Variants in OR2H1 observed in about 807,000 individuals in gnomAD.
The protein encoded by OR2H1 is olfactory receptor 2H1.
For synonymous variants in OR2H1, 155 were observed against 155.2 expected (o/e 1.00, Z 0.01); for missense variants, 380 against 367.3 (o/e 1.03, Z -0.28).
intron 2 of OR2H1, among the ~76,000 whole-genome samples, chr6:29,459,302 G>A (rs977631630): frequency 2.0e-5 from 3 of 152,182 alleles, no homozygotes; most frequent in Admixed American, 6.5e-5. Context: ...TGATCAGGGA[G>A]GAGAACACAG....
Position 29,462,263 on chromosome 6 carries a change from C to G in OR2H1, c.494C>G (p.Pro165Arg). 1 of 1,613,352 alleles carries G rather than the reference C, an allele frequency of 6.2e-7. No individual in the cohort carries two copies. Among genetic ancestry groups the G allele is most frequent in the African/African-American group, 1.3e-5 (1 of 75,034 alleles). The change falls in exon 4 of 4, where the codon CCC (proline) becomes CGC (arginine). Residue 165 changes from proline to arginine, a missense_variant. Physicochemically the swap from Pro to Arg is moderately radical, Grantham distance 103 (BLOSUM62 -2). Transcript: ENST00000377133. ...IVQTPSTLHL[P>R]FCPHQQIDDF... ...CAGACACCATCCACCCTCCACTTGC[C>G]CTTCTGTCCCCACCAGCAGATAGAT...
At chr6:29,458,433 G>A (rs375356568) in intron 1 of OR2H1, 21 bp from the exon 2 acceptor site, 230 of 152,264 alleles carry the variant, frequency 1.5e-3, no homozygotes, top group African/African-American at 5.3e-3. Context: ...TAATCATCAA[G>A]AGTATAACAT....
At position 29,462,799 on chromosome 6, in the gene OR2H1, A is replaced by G. The variant is rs1415862978; in HGVS notation, c.*79A>G. The stretch of plus-strand genomic sequence containing the variant: ...TTCCAGACTACTACCCTTCCCACAT[A>G]CACCTGAGCCACTGTGGTGGGTCAC... On this transcript the variant is annotated 3_prime_UTR_variant, in exon 4 of 4. Coordinates refer to ENST00000377133, the MANE Select transcript of OR2H1 (RefSeq NM_030883.5). 1 of 1,002,386 alleles carries G rather than the reference A, an allele frequency of 1.0e-6. No individual in the cohort carries two copies. Among genetic ancestry groups the G allele is most frequent in the African/African-American group, 1.6e-5 (1 of 61,494 alleles). 62.1% of individuals were successfully genotyped at this position (1,002,386 alleles called of 1,614,324 possible). A position where few individuals can be genotyped will look rare whatever the true frequency, so the allele number is the denominator to read the frequency against.
At position 29,461,486 on chromosome 6, in the gene OR2H1, C is replaced by G; in HGVS notation, c.-275-9C>G. The G allele has an allele frequency of 2.3e-6, 1 of 434,250 alleles. No individual in the cohort carries two copies. Among genetic ancestry groups the G allele is most frequent in the Non-Finnish European group, 4.1e-6 (1 of 246,744 alleles). The allele number at this position is 434,250 out of a possible 1,614,324, so 26.9% of individuals were successfully genotyped here. A position where few individuals can be genotyped will look rare whatever the true frequency, so the allele number is the denominator to read the frequency against. Reference sequence around the variant, plus strand: ...ATGTTTTACATCAGCTTTCTTTGCCCTCAACCAGGAAGTCAGAGGCACCAA... The same window carrying G: ...ATGTTTTACATCAGCTTTCTTTGCCGTCAACCAGGAAGTCAGAGGCACCAA... On this transcript the variant is annotated splice_polypyrimidine_tract_variant and intron_variant, in intron 3 of 3. Transcript: ENST00000377133.
intron 2 of OR2H1, among the ~76,000 whole-genome samples, chr6:29,459,458 A>G (rs1786948604): frequency 6.6e-6 from 1 of 152,206 alleles, no homozygotes; most frequent in African/African-American, 2.4e-5. Flanking sequence ...TAAGGGAACA[A>G]ATCTTATCCT....
Position 29,463,483 on chromosome 6 carries a change from G to A in OR2H1, c.*763G>A, listed in dbSNP as rs9257864. On this transcript the variant is annotated 3_prime_UTR_variant, in exon 4 of 4. Transcript: ENST00000377133. The stretch of plus-strand genomic sequence containing the variant: ...TCCTTTTTGGTGTGTAGGACAAGGA[G>A]CCAGGGAATTGGCACGTTTGGCTTT... 1.7e-3 allele frequency: 286 copies of A among 167,076 alleles called. 2 individuals are homozygous for A. Among genetic ancestry groups the A allele is most frequent in the Admixed American group, 4.0e-3 (61 of 15,308 alleles). 10.3% of individuals were successfully genotyped at this position (167,076 alleles called of 1,614,324 possible).
chr6:29,459,727 CT>C (rs1786995623), intron 2 of OR2H1: 1 of 152,274 alleles, frequency 6.6e-6, no homozygotes, highest in Admixed American at 6.5e-5. Flanking sequence ...TGCCTCTTAC[CT>C]GCCAGGGTGG....
Position 29,461,793 on chromosome 6 carries a change from G to A in OR2H1, c.24G>A (p.Met8Ile). 4.3e-6 allele frequency: 7 copies of A among 1,612,884 alleles called. No homozygotes were observed. Among genetic ancestry groups the A allele is most frequent in the Non-Finnish European group, 5.9e-6 (7 of 1,179,956 alleles). MVNQSSPMGFLLLGFSEH... is the reference protein window; with the variant it reads MVNQSSPIGFLLLGFSEH... ...CCATGGTTAACCAAAGCTCCCCCATGGGCTTCCTCCTTCTGGGCTTCTCTG... is the reference window on the plus strand; with the variant it reads ...CCATGGTTAACCAAAGCTCCCCCATAGGCTTCCTCCTTCTGGGCTTCTCTG... The change falls in exon 4 of 4, where the codon ATG (methionine) becomes ATA (isoleucine). Residue 8 changes from methionine to isoleucine, a missense_variant. Coordinates refer to ENST00000377133, the MANE Select transcript of OR2H1 (RefSeq NM_030883.5).
At position 29,462,972 on chromosome 6, in the gene OR2H1, A is replaced by C. The variant is rs1256686004; in HGVS notation, c.*252A>C. 1 of 534,508 alleles carries C rather than the reference A, an allele frequency of 1.9e-6. No homozygotes were observed. The highest frequency in any genetic ancestry group is 3.4e-6 in the Non-Finnish European group (1 of 294,848). 33.1% of individuals were successfully genotyped at this position (534,508 alleles called of 1,614,324 possible). On this transcript the variant is annotated 3_prime_UTR_variant, in exon 4 of 4. Transcript: ENST00000377133. ...ATCACTGTCCATTCTTAATATTTCT[A>C]TCCTCCATTCTGTTCTTTTTACTGT...
chr6:29,462,762 A>G lies in OR2H1; in HGVS notation c.*42A>G. The stretch of plus-strand genomic sequence containing the variant: ...AGAAGAGTTTCTTCAAGATTTATGA[A>G]CATGTTAAGTTTTCCAGACTACTAC... On this transcript the variant is annotated 3_prime_UTR_variant, in exon 4 of 4. Transcript: ENST00000377133. 1 of 1,485,944 alleles carries G rather than the reference A, an allele frequency of 6.7e-7. No homozygotes were observed. Among genetic ancestry groups the G allele is most frequent in the Non-Finnish European group, 9.2e-7 (1 of 1,084,172 alleles). The allele number at this position is 1,485,944 out of a possible 1,614,324, so 92.0% of individuals were successfully genotyped here. A position where few individuals can be genotyped will look rare whatever the true frequency, so the allele number is the denominator to read the frequency against.
chr6:29,461,982 T>C lies in OR2H1; in HGVS notation c.213T>C (p.Phe71=), dbSNP rs750185666. Residue 71 remains phenylalanine, a synonymous_variant, in exon 4 of 4, where the codon TTT becomes TTC. Transcript: ENST00000377133. ...ACCTCTCCTTCTTGGACCTCTGCTT[T>C]ACCACAAGTTGTGTCCCCCAGATGC... is the stretch of plus-strand genomic sequence containing the variant. ...LSDLSFLDLC[F]TTSCVPQMLV... is the part of the protein sequence containing the mutation. The C allele has an allele frequency of 5.0e-6, 8 of 1,613,212 alleles. No homozygotes were observed. Among genetic ancestry groups the C allele is most frequent in the South Asian group, 4.4e-5 (4 of 91,064 alleles).
intron 2 of OR2H1, 199 bp from the exon 3 acceptor site, chr6:29,460,205 A>G (rs1787061728): frequency 6.6e-6 from 1 of 151,854 alleles, no homozygotes; most frequent in Non-Finnish European, 1.5e-5. Flanking sequence ...ATATTTTATT[A>G]TTTATTTAGT....
At position 29,462,940 on chromosome 6, in the gene OR2H1, C is replaced by T; in HGVS notation, c.*220C>T. The T allele has an allele frequency of 3.4e-6, 2 of 579,724 alleles. No individual in the cohort carries two copies. The highest frequency in any genetic ancestry group is 3.1e-5 in the Admixed American group (1 of 32,044). 35.9% of individuals were successfully genotyped at this position (579,724 alleles called of 1,614,324 possible). On this transcript the variant is annotated 3_prime_UTR_variant, in exon 4 of 4. Coordinates refer to ENST00000377133, the MANE Select transcript of OR2H1 (RefSeq NM_030883.5). ...TAAGGCACACAAATTCAAATATTAT[C>T]ATTCCTATCACTGTCCATTCTTAAT...
Position 29,462,065 on chromosome 6 carries a change from T to G in OR2H1, c.296T>G (p.Leu99Arg). The G allele has an allele frequency of 6.2e-7, 1 of 1,613,566 alleles. No individual in the cohort carries two copies. The highest frequency in any genetic ancestry group is 8.5e-7 in the Non-Finnish European group (1 of 1,180,036). ...AGCTTCCTGGGATGCTCTGTCCAGC[T>G]CTTCATCTTCCTGTCCCTGGGGACC... ...TISFLGCSVQ[L>R]FIFLSLGTTE... Residue 99 changes from leucine to arginine, a missense_variant, in exon 4 of 4, where the codon CTC (leucine) becomes CGC (arginine). Physicochemically the swap from Leu to Arg is moderately radical, Grantham distance 102. Coordinates refer to ENST00000377133, the MANE Select transcript of OR2H1 (RefSeq NM_030883.5).
Position 29,463,117 on chromosome 6 carries a change from T to C in OR2H1, c.*397T>C. 9.0e-6 allele frequency: 2 copies of C among 222,054 alleles called. No individual in the cohort carries two copies. Among genetic ancestry groups the C allele is most frequent in the East Asian group, 1.1e-4 (1 of 9,120 alleles). 13.8% of individuals were successfully genotyped at this position (222,054 alleles called of 1,614,324 possible). ...CATAGCATTCTGGACACCTTGCATG[T>C]ATCTACGTAGGTCATGTAAGCAAAG... On this transcript the variant is annotated 3_prime_UTR_variant, in exon 4 of 4. Coordinates refer to ENST00000377133, the MANE Select transcript of OR2H1 (RefSeq NM_030883.5).
intron 2 of OR2H1, among the ~76,000 whole-genome samples, chr6:29,459,036 C>T (rs893538288): frequency 6.6e-6 from 1 of 151,860 alleles, no homozygotes; most frequent in Non-Finnish European, 1.5e-5. Context: ...AAGGAAAAGG[C>T]ATGTTATTAA....
chr6:29,460,943 T>C (rs753695749), intron 3 of OR2H1: 11 of 152,152 alleles, frequency 7.2e-5, no homozygotes, highest in Non-Finnish European at 1.3e-4. Flanking sequence ...ATAATCTTAT[T>C]TGAGAGGCAA....
At chr6:29,460,142 T>C (rs1182061135) in intron 2 of OR2H1, 1 of 152,172 alleles carries the variant, frequency 6.6e-6, no homozygotes, top group Non-Finnish European at 1.5e-5. Flanking sequence ...AAAACACGTA[T>C]ATAACAGAAA....
Position 29,462,768 on chromosome 6 carries a change from TAA to T in OR2H1, c.*49_*50del, listed in dbSNP as rs1297432914. 2.1e-6 allele frequency: 3 copies of T among 1,434,760 alleles called. No individual in the cohort carries two copies. Among genetic ancestry groups the T allele is most frequent in the Admixed American group, 3.9e-5 (2 of 50,764 alleles). The allele number at this position is 1,434,760 out of a possible 1,614,324, so 88.9% of individuals were successfully genotyped here. A position where few individuals can be genotyped will look rare whatever the true frequency, so the allele number is the denominator to read the frequency against. On this transcript the variant is annotated 3_prime_UTR_variant, in exon 4 of 4. Transcript: ENST00000377133. Reference sequence around the variant, plus strand: ...GTTTCTTCAAGATTTATGAACATGTTAAGTTTTCCAGACTACTACCCTTCCCA... The same window carrying T: ...GTTTCTTCAAGATTTATGAACATGTTGTTTTCCAGACTACTACCCTTCCCA...
Sources: gnomAD v4.1 joint callset for allele counts (sites outside exome capture counted in the v4.1 genomes callset) on GRCh38, gnomAD v4.1.1 for gene constraint, MANE v1.5 for transcripts, NCBI Gene and HGNC (gene_info 2026-07-23, HGNC 2026-07-21) for gene names.